The following EIF2B3 variants were observed in gnomAD, a reference collection of about 807,000 sequenced individuals.
EIF2B3 encodes the protein translation initiation factor eIF2B subunit gamma.
EIF2B3 carries 20 observed loss-of-function variants against 54.1 expected under a neutral mutation model. That is an observed-to-expected ratio of 0.37 (90% CI 0.26 to 0.54). The LOEUF is 0.54. EIF2B3 is among the 20% of genes least tolerant of loss of function. The probability of loss-of-function intolerance (pLI) is 0.86; values close to 1 mark genes in which losing one functional copy is unlikely to be tolerated. For missense variants in EIF2B3, 448 were observed against 547.8 expected (o/e 0.82, Z 1.82); for synonymous variants, 153 against 188.1 (o/e 0.81, Z 1.52).
intron 6 of EIF2B3, among the ~76,000 whole-genome samples, chr1:44,891,189 T>G (rs1370651104): frequency 6.6e-6 from 1 of 152,168 alleles, no homozygotes; most frequent in African/African-American, 2.4e-5. Flanking sequence ...AGCTTTGACC[T>G]CCTGGGCTCA....
chr1:44,874,560 C>T (rs1655058405), intron 10 of EIF2B3, 118 bp downstream of exon 10: 5 of 1,058,474 alleles, frequency 4.7e-6, no homozygotes, highest in Middle Eastern at 2.3e-4. Context: ...ATTCTATTGC[C>T]CTCTTGATTA....
intron 1 of EIF2B3, among the ~76,000 whole-genome samples, chr1:44,986,027 G>C (rs1464100921): frequency 6.6e-6 from 1 of 152,208 alleles, no homozygotes; most frequent in Non-Finnish European, 1.5e-5. Flanking sequence ...GGCTGAGGCT[G>C]AAAGAGTGCA....
intron 5 of EIF2B3, among the ~76,000 whole-genome samples, chr1:44,915,351 A>T (rs9429058): frequency 6.6e-6 from 1 of 151,786 alleles, no homozygotes; most frequent in African/African-American, 2.4e-5. Context: ...TCGTTCTGTC[A>T]TCTAGGCTGG....
chr1:44,958,598 G>C, intron 3 of EIF2B3: 1 of 1,464,124 alleles, frequency 6.8e-7, no homozygotes, highest in Non-Finnish European at 9.5e-7. Flanking sequence ...ATTATCAAAA[G>C]TGTGGCATCA....
intron 3 of EIF2B3, among the ~76,000 whole-genome samples, chr1:44,965,984 G>A (rs748809167): frequency 3.3e-5 from 5 of 152,094 alleles, no homozygotes; most frequent in South Asian, 2.1e-4. Flanking sequence ...ACTGTAAAGC[G>A]TAGTTAAAAG....
intron 6 of EIF2B3, among the ~76,000 whole-genome samples, chr1:44,883,315 G>A (rs1220469937): frequency 7.2e-5 from 11 of 151,960 alleles, no homozygotes; most frequent in African/African-American, 2.7e-4. Context: ...ACTAATAAAA[G>A]CGTACAAATT....
intron 5 of EIF2B3, among the ~76,000 whole-genome samples, chr1:44,909,441 A>G (rs1356746012): frequency 6.6e-6 from 1 of 152,154 alleles, no homozygotes; most frequent in East Asian, 1.9e-4. Flanking sequence ...CATATCCAAG[A>G]AAGGTGAATC....
intron 1 of EIF2B3, among the ~76,000 whole-genome samples, chr1:44,981,942 C>CAAAAAA (rs35864275): frequency 1.3e-5 from 1 of 78,970 alleles, no homozygotes; most frequent in Admixed American, 1.5e-4. Flanking sequence ...GATCCTGTCT[C>CAAAAAA]AAAAAAAAAA....
intron 5 of EIF2B3, among the ~76,000 whole-genome samples, chr1:44,900,445 C>CAAAAAAAAAAAAA (rs34226720): frequency 2.3e-5 from 1 of 43,580 alleles, no homozygotes. Context: ...AGAATCATCT[C>CAAAAAAAAAAAAA]AAAAAAAAAA....
intron 8 of EIF2B3, among the ~76,000 whole-genome samples, chr1:44,879,131 C>T (rs531291201): frequency 2.6e-5 from 4 of 152,278 alleles, no homozygotes; most frequent in African/African-American, 7.2e-5. Context: ...ATTCCTCCCT[C>T]CCAAAACCTT....
chr1:44,876,186 C>A (rs1169024011), intron 8 of EIF2B3, among the ~76,000 whole-genome samples: 1 of 152,070 alleles, frequency 6.6e-6, no homozygotes, highest in African/African-American at 2.4e-5. Flanking sequence ...AGATTGCAGC[C>A]TCTGCCCGGC....
intron 3 of EIF2B3, among the ~76,000 whole-genome samples, chr1:44,968,063 T>G (rs1644364072): frequency 6.7e-6 from 1 of 148,314 alleles, no homozygotes; most frequent in Non-Finnish European, 1.5e-5. Context: ...AAAATAAAAA[T>G]AAAAATATAA....
At position 44,869,351 on chromosome 1, in the gene EIF2B3, A is replaced by G. The variant is rs535529251; in HGVS notation, c.1202+5327T>C. ...AAACTACCAGGGTGTGGGGGTGCGC[A>G]CCTATAATCCCAACTACTCGGGAGT... On this transcript the variant is annotated intron_variant, in intron 10 of 11. Coordinates refer to ENST00000360403, the MANE Select transcript of EIF2B3 (RefSeq NM_020365.5). Among the ~76,000 whole-genome samples the G allele has an allele frequency of 1.1e-4, 17 of 151,572 alleles. No homozygotes were observed. The South Asian group carries it at 3.6e-3, about 32-fold the overall frequency.
chr1:44,967,630 C>T (rs1399035115), intron 3 of EIF2B3, among the ~76,000 whole-genome samples: 1 of 150,842 alleles, frequency 6.6e-6, no homozygotes, highest in Non-Finnish European at 1.5e-5. Flanking sequence ...GTCCCAGCTA[C>T]TGGGGAGGCT....
chr1:44,927,754 C>T (rs969487811), intron 4 of EIF2B3, among the ~76,000 whole-genome samples: 5 of 151,944 alleles, frequency 3.3e-5, no homozygotes, highest in Non-Finnish European at 7.4e-5. Flanking sequence ...TACTTATTGA[C>T]GTATTTAAAG....
intron 5 of EIF2B3, among the ~76,000 whole-genome samples, chr1:44,923,417 C>A (rs575020822): frequency 6.6e-6 from 1 of 152,166 alleles, no homozygotes; most frequent in African/African-American, 2.4e-5. Flanking sequence ...TTTATAGTTG[C>A]CAGTATTGCT....
At chr1:44,915,383 C>G (rs563882016) in intron 5 of EIF2B3, among the ~76,000 whole-genome samples, 1 of 152,078 alleles carries the variant, frequency 6.6e-6, no homozygotes, top group Admixed American at 6.5e-5. Flanking sequence ...ATGATCACAA[C>G]GCACTGCAGC....
At chr1:44,943,004 C>T (rs1298245747) in intron 3 of EIF2B3, among the ~76,000 whole-genome samples, 1 of 151,762 alleles carries the variant, frequency 6.6e-6, no homozygotes, top group African/African-American at 2.4e-5. Flanking sequence ...TACAGGCGCC[C>T]GCCACCACGC....
chr1:44,866,380 A>G (rs1266117890), intron 10 of EIF2B3, among the ~76,000 whole-genome samples: 1 of 150,594 alleles, frequency 6.6e-6, no homozygotes, highest in East Asian at 2.0e-4. Flanking sequence ...CCGGGGTGAC[A>G]GAATGAGATT....
Sources: gnomAD v4.1 joint callset for allele counts (sites outside exome capture counted in the v4.1 genomes callset) on GRCh38, gnomAD v4.1.1 for gene constraint, MANE v1.5 for transcripts, NCBI Gene and HGNC (gene_info 2026-07-23, HGNC 2026-07-21) for gene names.